YWHAZ: variants seen among roughly 807,000 people sequenced by gnomAD.
YWHAZ encodes 14-3-3 protein zeta/delta.
For missense variants in YWHAZ, 79 were observed against 284.8 expected, an observed-to-expected ratio of 0.28 and a Z score of 5.20; for synonymous variants, 87 against 103.6, an observed-to-expected ratio of 0.84 and a Z score of 0.97.
At chr8:100,952,162 C>A (rs574727317), upstream of YWHAZ, 12 of 985,240 alleles carry the variant, frequency 1.2e-5, no homozygotes, top group Non-Finnish European at 1.4e-5. Flanking sequence ...CCACAGCGAT[C>A]GGGGCCCCGC....
chr8:100,951,717 G>A (rs1215348342), intron 1 of YWHAZ: 8 of 985,364 alleles, frequency 8.1e-6, no homozygotes, highest in Non-Finnish European at 9.6e-6. Context: ...CGTCGATGCG[G>A]AAGCAAGGAG....
At chr8:100,949,875 C>A (rs545396730) in intron 1 of YWHAZ, among the ~76,000 whole-genome samples, 3 of 152,262 alleles carry the variant, frequency 2.0e-5, no homozygotes, top group Non-Finnish European at 4.4e-5. Context: ...GGAAAGATAC[C>A]CTTTTGCAAG....
At chr8:100,946,907 C>CA (rs1233958536) in intron 2 of YWHAZ, among the ~76,000 whole-genome samples, 2 of 144,722 alleles carry the variant, frequency 1.4e-5, no homozygotes, top group Non-Finnish European at 3.0e-5. Flanking sequence ...ACAAAAAAAA[C>CA]AAAAAAACCC....
chr8:100,950,427 T>C (rs1219898428), intron 1 of YWHAZ: 3 of 985,380 alleles, frequency 3.0e-6, no homozygotes, highest in African/African-American at 1.7e-5. Context: ...CGTCGGTTAC[T>C]GTGAAACGAA....
At chr8:100,951,094 C>A in intron 1 of YWHAZ, 1 of 905,904 alleles carries the variant, frequency 1.1e-6, no homozygotes, top group Non-Finnish European at 1.3e-6. Flanking sequence ...CCATCCCCCA[C>A]CCCCACCAGG....
intron 2 of YWHAZ, among the ~76,000 whole-genome samples, chr8:100,925,515 G>A (rs1160743863): frequency 6.6e-6 from 1 of 152,032 alleles, no homozygotes; most frequent in African/African-American, 2.4e-5. Context: ...CAGAGAAGGA[G>A]GAACAAAATA....
chr8:100,952,059 G>A (rs577158050), upstream of YWHAZ: 2 of 988,282 alleles, frequency 2.0e-6, no homozygotes, highest in Non-Finnish European at 2.4e-6. Context: ...CCGCTCCGCA[G>A]ACACGGGGTT....
At chr8:100,938,503 A>G (rs932865192) in intron 2 of YWHAZ, among the ~76,000 whole-genome samples, 13 of 152,176 alleles carry the variant, frequency 8.5e-5, no homozygotes, top group African/African-American at 3.1e-4. Context: ...ACTCACAAAA[A>G]TACCCCACAA....
At chr8:100,952,354 C>T (rs999095803), upstream of YWHAZ, 3 of 164,566 alleles carry the variant, frequency 1.8e-5, no homozygotes, top group Admixed American at 6.5e-5. Context: ...CAACGCAAAT[C>T]CCCCACTCCT....
upstream of YWHAZ, chr8:100,952,180 CCGCTCCCCGG>C (rs1448654693): frequency 1.0e-6 from 1 of 984,302 alleles, no homozygotes; most frequent in African/African-American, 1.7e-5. Flanking sequence ...CGCGTAACCG[CCGCTCCCCGG>C]CGCTCGTCCT....
chr8:100,950,495 C>CT, intron 1 of YWHAZ: 1 of 985,632 alleles, frequency 1.0e-6, no homozygotes. Context: ...CGCAACCACC[C>CT]CCCTCCAGGC....
intron 5 of YWHAZ, among the ~76,000 whole-genome samples, chr8:100,921,491 AGTGAC>A (rs1230155941): frequency 2.6e-5 from 4 of 152,190 alleles, no homozygotes; most frequent in African/African-American, 4.8e-5. Flanking sequence ...TAGATCTTAA[AGTGAC>A]TCACACTCCA....
intron 2 of YWHAZ, among the ~76,000 whole-genome samples, chr8:100,935,292 A>C (rs994057558): frequency 2.0e-5 from 3 of 152,270 alleles, no homozygotes; most frequent in African/African-American, 4.8e-5. Context: ...TAATATACGC[A>C]TAACTGTAAT....
Position 100,948,382 on chromosome 8 carries a change from T to C in YWHAZ, c.294+214A>G, listed in dbSNP as rs1009910024. On this transcript the variant is annotated intron_variant, in intron 2 of 5. Coordinates refer to ENST00000395958, the MANE Select transcript of YWHAZ (RefSeq NM_145690.3). This position sits in a 1 kb window ranked among gnomAD's most constrained non-coding sequence, Gnocchi z 4.2. ...TAAAGTCTGTTATTTTTAACAAAAC[T>C]GAACTGTTTCATAATCATTGTTGCA... is the stretch of plus-strand genomic sequence containing the variant. Among the ~76,000 whole-genome samples, 4 of 152,224 alleles carry C rather than the reference T, an allele frequency of 2.6e-5. No homozygotes were observed. Among genetic ancestry groups the C allele is most frequent in the Non-Finnish European group, 5.9e-5 (4 of 68,034 alleles).
chr8:100,934,993 G>A (rs1180918896), intron 2 of YWHAZ: 2 of 150,980 alleles, frequency 1.3e-5, no homozygotes, highest in African/African-American at 4.9e-5. Flanking sequence ...GTCTCTACTG[G>A]GAAAAAAAAA....
intron 5 of YWHAZ, chr8:100,923,234 T>G (rs544748210): frequency 6.6e-6 from 1 of 152,314 alleles, no homozygotes; most frequent in East Asian, 1.9e-4. Flanking sequence ...ACACAGCAAA[T>G]GCTTGATAAT....
At chr8:100,927,330 AC>A (rs1813432744) in intron 2 of YWHAZ, among the ~76,000 whole-genome samples, 1 of 151,760 alleles carries the variant, frequency 6.6e-6, no homozygotes, top group Admixed American at 6.6e-5. Flanking sequence ...GTTTGAGACC[AC>A]CCCGGTGAAC....
Position 100,948,485 on chromosome 8 carries a change from A to C in YWHAZ, c.294+111T>G. On this transcript the variant is annotated intron_variant, in intron 2 of 5. Transcript: ENST00000395958. This position sits in a 1 kb window ranked among gnomAD's most constrained non-coding sequence, Gnocchi z 4.2. ...CACCATGAAGACTTTTAAATTTGGAACACACAATGTTTAGAAGGAAAAGAA... is the reference window on the plus strand; with the variant it reads ...CACCATGAAGACTTTTAAATTTGGACCACACAATGTTTAGAAGGAAAAGAA... 1 of 1,231,712 alleles carries C rather than the reference A, an allele frequency of 8.1e-7. No homozygotes were observed. The highest frequency in any genetic ancestry group is 1.1e-6 in the Non-Finnish European group (1 of 888,806). 76.3% of individuals were successfully genotyped at this position (1,231,712 alleles called of 1,614,324 possible).
chr8:100,940,789 A>G (rs1376694495), intron 2 of YWHAZ, among the ~76,000 whole-genome samples: 1 of 152,254 alleles, frequency 6.6e-6, no homozygotes. Flanking sequence ...AGACAAATGC[A>G]GTAAAACTTG....
Sources: gnomAD v4.1 joint callset for allele counts (sites outside exome capture counted in the v4.1 genomes callset) on GRCh38, gnomAD v4.1.1 for gene constraint, Gnocchi (gnomAD v3.1) non-coding constraint, MANE v1.5 for transcripts, NCBI Gene and HGNC (gene_info 2026-07-23, HGNC 2026-07-21) for gene names.